TAF6L: variants seen among roughly 807,000 people sequenced by gnomAD.
TAF6L encodes TAF6-like RNA polymerase II p300/CBP-associated factor-associated factor 65 kDa subunit 6L.
TAF6L carries 34 observed loss-of-function variants against 57.3 expected under a neutral mutation model. That is an observed-to-expected ratio of 0.59 (90% CI 0.45 to 0.79). The LOEUF is 0.79. Ranked by LOEUF, TAF6L falls within the 30% of genes least tolerant of loss-of-function variation. TAF6L has a pLI of 0.00. For missense variants in TAF6L, 782 were observed against 853.2 expected (o/e 0.92, Z 1.04); for synonymous variants, 417 against 376.3 (o/e 1.11, Z -1.25).
At chr11:62,776,828 G>A (rs1446301808) in intron 3 of TAF6L, among the ~76,000 whole-genome samples, 5 of 142,828 alleles carry the variant, frequency 3.5e-5, no homozygotes, top group African/African-American at 1.3e-4. Context: ...GGGCAACAGA[G>A]CAAGACCCTG....
At chr11:62,781,662 C>CAAAA (rs58932683) in intron 6 of TAF6L, 22,660 of 310,700 alleles carry the variant, frequency 0.073, 105 homozygotes, top group South Asian at 0.09. Context: ...GACTCGGTCT[C>CAAAA]AAAAAAAAAA....
chr11:62,774,988 C>T (rs369750015), intron 1 of TAF6L, among the ~76,000 whole-genome samples: 11 of 148,466 alleles, frequency 7.4e-5, no homozygotes, highest in African/African-American at 2.2e-4. Context: ...TACTTGAACC[C>T]GGGAGGCGGA....
At chr11:62,778,636 C>T in intron 5 of TAF6L, 2 of 610,742 alleles carry the variant, frequency 3.3e-6, no homozygotes, top group South Asian at 2.0e-5. Context: ...CTGAAGCTCT[C>T]AGGAGTCCGT....
chr11:62,787,257 G>C lies in TAF6L; in HGVS notation c.1830G>C (p.Arg610=), dbSNP rs2084292272. 3 of 1,566,926 alleles carry C rather than the reference G, an allele frequency of 1.9e-6. No individual in the cohort carries two copies. The highest frequency in any genetic ancestry group is 2.3e-5 in the South Asian group (2 of 87,948). The change falls in exon 11 of 11, where the codon CGG becomes CGC. Residue 610 remains arginine, a synonymous_variant. Transcript: ENST00000294168. ...GCCGTACCAGCCGCCCCGCCCGCCG[G>C]TGGGCGCTCTCGGACTACTCGCTGT... The part of the protein sequence containing the change: ...MIGRTSRPAR[R]WALSDYSLYL...
chr11:62,785,118 G>A (rs565144121), intron 9 of TAF6L, among the ~76,000 whole-genome samples: 1 of 151,880 alleles, frequency 6.6e-6, no homozygotes, highest in Non-Finnish European at 1.5e-5. Context: ...GATTACAAGC[G>A]TGAGGCACTG....
At chr11:62,779,952 C>CCATATATATATATATATATATA (rs1332185092) in intron 6 of TAF6L, among the ~76,000 whole-genome samples, 1 of 100,064 alleles carries the variant, frequency 1.0e-5, no homozygotes, top group African/African-American at 4.5e-5. Flanking sequence ...AGGCGTGAGC[C>CCATATATATATATATATATATA]TATATATATA....
intron 3 of TAF6L, 70 bp from the exon 4 acceptor site, chr11:62,777,908 C>G: frequency 6.4e-7 from 1 of 1,563,418 alleles, no homozygotes. Flanking sequence ...GTCAGTGGAG[C>G]CTCATCCTGG....
At chr11:62,771,865 G>T in intron 1 of TAF6L, 1 of 306,198 alleles carries the variant, frequency 3.3e-6, no homozygotes, top group Non-Finnish European at 6.5e-6. Context: ...TGGACTAAAT[G>T]CTCCCATTTT....
chr11:62,775,258 T>C lies in TAF6L; in HGVS notation c.-13-513T>C, dbSNP rs551641126. On this transcript the variant is annotated intron_variant, in intron 1 of 10. Coordinates refer to ENST00000294168, the MANE Select transcript of TAF6L (RefSeq NM_006473.4). Reference sequence around the variant, plus strand: ...GCTCTTTATAAAACCATTAGATCTTTTGAGAACTCACTATCAGGAGAACAG... The same window carrying C: ...GCTCTTTATAAAACCATTAGATCTTCTGAGAACTCACTATCAGGAGAACAG... Among the ~76,000 whole-genome samples, 4 of 152,252 alleles carry C rather than the reference T, an allele frequency of 2.6e-5. No homozygotes were observed. In the East Asian group the frequency reaches 7.7e-4, roughly 29 times the overall value.
chr11:62,787,244 G>A lies in TAF6L; in HGVS notation c.1817G>A (p.Arg606His), dbSNP rs768538809. 89 of 1,562,530 alleles carry A rather than the reference G, an allele frequency of 5.7e-5. No individual in the cohort carries two copies. The highest frequency in any genetic ancestry group is 7.3e-5 in the Non-Finnish European group (85 of 1,162,180). The change falls in exon 11 of 11, where the codon CGC becomes CAC. Residue 606 changes from arginine to histidine, a missense_variant. Arg to His is a conservative substitution (Grantham distance 29, BLOSUM62 0). Around this residue, in one of 3 missense-constraint regions of TAF6L, gnomAD observed 483 missense variants for 445.1 expected, o/e 1.09. Coordinates refer to ENST00000294168, the MANE Select transcript of TAF6L (RefSeq NM_006473.4). ...CTGCCCATGATCGGCCGTACCAGCC[G>A]CCCCGCCCGCCGGTGGGCGCTCTCG... ...QKLPMIGRTS[R>H]PARRWALSDY...
intron 6 of TAF6L, chr11:62,781,678 A>AAT (rs1554997115): frequency 8.8e-4 from 410 of 464,192 alleles, no homozygotes; most frequent in Middle Eastern, 2.5e-3. Flanking sequence ...AAAAAAAAAA[A>AAT]GTTGGACATT....
At chr11:62,774,581 G>A (rs751034826) in intron 1 of TAF6L, 17 of 454,520 alleles carry the variant, frequency 3.7e-5, no homozygotes, top group Admixed American at 1.2e-4. Context: ...TCACTTTGGC[G>A]CACGGGAGCC....
chr11:62,785,261 G>A (rs1014057329), intron 9 of TAF6L, among the ~76,000 whole-genome samples: 1 of 151,316 alleles, frequency 6.6e-6, no homozygotes, highest in Non-Finnish European at 1.5e-5. Flanking sequence ...GCGCGACCTC[G>A]GCTCACTGCA....
chr11:62,785,454 A>C (rs565131571), intron 9 of TAF6L, among the ~76,000 whole-genome samples: 32 of 151,768 alleles, frequency 2.1e-4, no homozygotes, highest in African/African-American at 7.5e-4. Flanking sequence ...GGCCTCCCAA[A>C]GTGCTGGGAT....
chr11:62,778,409 C>CTGAGGGTGGTG, intron 5 of TAF6L, 74 bp downstream of exon 5: 2 of 1,550,738 alleles, frequency 1.3e-6, no homozygotes, highest in Non-Finnish European at 1.8e-6. Context: ...TGCCTATGTG[C>CTGAGGGTGGTG]CCCCGAGTCT....
In TAF6L at chr11:62,786,514, C is replaced by A; in HGVS notation, c.1090-3C>A. On this transcript the variant is annotated splice_region_variant and splice_polypyrimidine_tract_variant and intron_variant, in intron 10 of 10. Coordinates refer to ENST00000294168, the MANE Select transcript of TAF6L (RefSeq NM_006473.4). ...TGCCTATCTTAGTCCTTGGCTCTTA[C>A]AGGTGGCGGTAGAGCGACTGCTGAA... 2 of 1,559,402 alleles carry A rather than the reference C, an allele frequency of 1.3e-6. No homozygotes were observed. The highest frequency in any genetic ancestry group is 1.7e-6 in the Non-Finnish European group (2 of 1,148,536).
chr11:62,774,526 T>G, intron 1 of TAF6L: 1 of 452,860 alleles, frequency 2.2e-6, no homozygotes, highest in South Asian at 1.6e-5. Context: ...AATGCCTGGG[T>G]GGGTCATCCT....
At position 62,787,287 on chromosome 11, in the gene TAF6L, G is replaced by A. The variant is rs747071583; in HGVS notation, c.1860G>A (p.Leu620=). The A allele has an allele frequency of 1.9e-6, 3 of 1,543,736 alleles. No homozygotes were observed. Among genetic ancestry groups the A allele is most frequent in the Admixed American group, 1.9e-5 (1 of 51,604 alleles). Residue 620 remains leucine, a synonymous_variant, in exon 11 of 11, where the codon TTG becomes TTA. Transcript: ENST00000294168. ...CGCTCTCGGACTACTCGCTGTACTT[G>A]CCGCTCTGAGTCAGTGGCCCCTTCG... The part of the protein sequence containing the change: ...RWALSDYSLY[L]PL
At chr11:62,786,133 CAG>C (rs1165331917) in intron 9 of TAF6L, 125 bp from the exon 10 acceptor site, 3 of 1,193,282 alleles carry the variant, frequency 2.5e-6, no homozygotes, top group Non-Finnish European at 2.3e-6. Flanking sequence ...ATATGCCAAT[CAG>C]GGAATTTAGG....
Sources: gnomAD v4.1 joint callset for allele counts (sites outside exome capture counted in the v4.1 genomes callset) on GRCh38, gnomAD v4.1.1 for gene constraint, gnomAD v4.1.1 regional missense constraint, MANE v1.5 for transcripts, NCBI Gene and HGNC (gene_info 2026-07-23, HGNC 2026-07-21) for gene names.